The following CEP152 variants were observed in gnomAD, a reference collection of about 807,000 sequenced individuals.
CEP152 encodes the protein centrosomal protein of 152 kDa.
In CEP152, 132 loss-of-function variants were observed where a neutral mutation model predicts 188.9. That is an observed-to-expected ratio of 0.70 (90% CI 0.61 to 0.81). The LOEUF (loss-of-function observed/expected upper bound fraction) is 0.81. CEP152 is among the 30% of genes least tolerant of loss of function. The probability of loss-of-function intolerance (pLI) is 0.00; values close to 1 mark genes in which losing one functional copy is unlikely to be tolerated. For missense variants in CEP152, 1,914 were observed against 1,969.8 expected, an observed-to-expected ratio of 0.97 and a Z score of 0.54; for synonymous variants, 649 against 666.6, an observed-to-expected ratio of 0.97 and a Z score of 0.41.
At chr15:48,795,989 A>C in intron 6 of CEP152, 21 bp downstream of exon 6, 1 of 1,607,794 alleles carries the variant, frequency 6.2e-7, no homozygotes, top group Non-Finnish European at 8.5e-7. Flanking sequence ...ATTAAAAAAT[A>C]AATATAAACT....
intron 9 of CEP152, among the ~76,000 whole-genome samples, chr15:48,788,282 G>T (rs553789119): frequency 2.7e-4 from 40 of 148,778 alleles, no homozygotes; most frequent in African/African-American, 9.1e-4. Flanking sequence ...GTTTCCAAAA[G>T]TATACCTTTA....
At chr15:48,765,039 GA>G (rs1894960094) in intron 17 of CEP152, among the ~76,000 whole-genome samples, 1 of 151,386 alleles carries the variant, frequency 6.6e-6, no homozygotes, top group East Asian at 1.9e-4. Flanking sequence ...AAAAATGTGA[GA>G]AGATTAGACA....
At chr15:48,769,156 T>TA (rs1895355392) in intron 13 of CEP152, 75 bp from the exon 14 acceptor site, 3 of 1,267,792 alleles carry the variant, frequency 2.4e-6, no homozygotes, top group Admixed American at 4.1e-5. Flanking sequence ...TTCCATACTT[T>TA]AAAAAAATTG....
chr15:48,784,805 A>G (rs1210451920), intron 9 of CEP152, among the ~76,000 whole-genome samples: 2 of 152,240 alleles, frequency 1.3e-5, no homozygotes, highest in Non-Finnish European at 2.9e-5. Context: ...GTGTATGTGC[A>G]TGTGTGTAAC....
intron 2 of CEP152, among the ~76,000 whole-genome samples, chr15:48,802,077 G>A (rs1390858697): frequency 3.4e-5 from 5 of 148,848 alleles, no homozygotes; most frequent in Admixed American, 2.7e-4. Context: ...GCAACAGAGC[G>A]AGACTCCATC....
chr15:48,794,914 G>A (rs1475585514), intron 6 of CEP152, among the ~76,000 whole-genome samples: 1 of 152,140 alleles, frequency 6.6e-6, no homozygotes, highest in African/African-American at 2.4e-5. Flanking sequence ...TAACTACCCT[G>A]CCGTCCCAGT....
At chr15:48,747,512 C>T (rs908656523) in intron 22 of CEP152, among the ~76,000 whole-genome samples, 6 of 152,122 alleles carry the variant, frequency 3.9e-5, no homozygotes, top group African/African-American at 1.2e-4. Flanking sequence ...GCTACAGGGC[C>T]GCACAAGAGC....
rs1182095328 is a variant in CEP152 at position 48,748,457 on chromosome 15, A to T, written c.3620T>A (p.Val1207Glu). 1 of 1,530,104 alleles carries T rather than the reference A, an allele frequency of 6.5e-7. No homozygotes were observed. Among genetic ancestry groups the T allele is most frequent in the Non-Finnish European group, 8.7e-7 (1 of 1,144,730 alleles). 94.8% of individuals were successfully genotyped at this position (1,530,104 alleles called of 1,614,324 possible). Residue 1207 changes from valine to glutamate, a missense_variant, in exon 22 of 27, where the codon GTG becomes GAG. Transcript: ENST00000380950. ...TAAATGCTAACCTCCAATTTTTTCC[A>T]CTACAGCTTTGTGCTTCCTTTCTAA... is the stretch of plus-strand genomic sequence containing the variant. ...QHLERKHKAV[V>E]EKIGEENNKV...
rs778717473 is a variant in CEP152 at position 48,798,007 on chromosome 15, G to A, written c.132C>T (p.Asp44=). ...LTDLPHDMLD[D]DLSSPELQYS... Reference sequence around the variant, plus strand: ...ACTGGAGCTCTGGAGAGGAGAGGTCGTCATCCAGCATGTCATGGGGAAGGT... The same window carrying A: ...ACTGGAGCTCTGGAGAGGAGAGGTCATCATCCAGCATGTCATGGGGAAGGT... The change falls in exon 3 of 27, where the codon GAC becomes GAT. Residue 44 remains aspartate, a synonymous_variant. Transcript: ENST00000380950. 2.7e-5 allele frequency: 44 copies of A among 1,613,912 alleles called. No individual in the cohort carries two copies. Among genetic ancestry groups the A allele is most frequent in the Admixed American group, 3.3e-5 (2 of 59,976 alleles).
chr15:48,741,089 T>C, intron 26 of CEP152: 3 of 1,000,568 alleles, frequency 3.0e-6, no homozygotes, highest in Non-Finnish European at 2.4e-6. Flanking sequence ...GTCTTCTTTC[T>C]CTCAGGGATT....
chr15:48,768,930 A>G, intron 14 of CEP152, 26 bp downstream of exon 14: 1 of 1,404,108 alleles, frequency 7.1e-7, no homozygotes, highest in Non-Finnish European at 9.7e-7. Flanking sequence ...AAATTCTCAT[A>G]AAATATAAAA....
intron 2 of CEP152, among the ~76,000 whole-genome samples, chr15:48,731,240 T>C (rs1320237244): frequency 6.6e-6 from 1 of 152,188 alleles, no homozygotes; most frequent in African/African-American, 2.4e-5. Context: ...CAACACTGTA[T>C]TGTGCACTTA....
At chr15:48,755,410 G>A (rs1009509223) in intron 20 of CEP152, among the ~76,000 whole-genome samples, 5 of 151,930 alleles carry the variant, frequency 3.3e-5, no homozygotes, top group African/African-American at 4.8e-5. Context: ...CTCTTATTAT[G>A]CATATTTCAT....
intron 20 of CEP152, among the ~76,000 whole-genome samples, chr15:48,755,532 A>T (rs1050038366): frequency 1.3e-5 from 2 of 152,186 alleles, no homozygotes; most frequent in African/African-American, 2.4e-5. Context: ...AAGTTCTGGG[A>T]TACATGTGCT....
intron 1 of CEP152, among the ~76,000 whole-genome samples, chr15:48,805,928 T>C (rs1200251379): frequency 6.6e-6 from 1 of 152,192 alleles, no homozygotes; most frequent in African/African-American, 2.4e-5. Flanking sequence ...AGTAAGATTT[T>C]TGCCGACATG....
At chr15:48,761,909 CT>C (rs957686260) in intron 18 of CEP152, among the ~76,000 whole-genome samples, 7 of 152,172 alleles carry the variant, frequency 4.6e-5, no homozygotes, top group African/African-American at 7.2e-5. Flanking sequence ...ATTGGCACCA[CT>C]TTTGGAAAGC....
intron 8 of CEP152, chr15:48,789,239 T>A (rs1896861365): frequency 9.2e-6 from 5 of 546,238 alleles, no homozygotes; most frequent in Non-Finnish European, 1.6e-5. Context: ...GGTAGATACC[T>A]GAGGGGAGTG....
At position 48,760,219 on chromosome 15, in the gene CEP152, T is replaced by C; in HGVS notation, c.2610A>G (p.Leu870=). 6.2e-7 allele frequency: 1 copy of C among 1,614,120 alleles called. No homozygotes were observed. The highest frequency in any genetic ancestry group is 8.5e-7 in the Non-Finnish European group (1 of 1,179,970). Residue 870 remains leucine, a synonymous_variant, in exon 19 of 27, where the codon CTA becomes CTG. Coordinates refer to ENST00000380950, the MANE Select transcript of CEP152 (RefSeq NM_001194998.2). The part of the protein sequence containing the change: ...QNAHQRWLGE[L]PELAEYQALV... ...GTGCTTGATACTCTGCCAGCTCTGG[T>C]AGTTCTCCCAGCCATCGCTGATGAG...
intron 12 of CEP152, among the ~76,000 whole-genome samples, chr15:48,777,502 G>A (rs1895992856): frequency 6.6e-6 from 1 of 151,376 alleles, no homozygotes; most frequent in African/African-American, 2.4e-5. Flanking sequence ...GTGTGTCTGT[G>A]TGTATGGGTG....
Sources: allele counts gnomAD v4.1 joint callset (sites outside exome capture counted in the v4.1 genomes callset), GRCh38; gene constraint gnomAD v4.1.1; transcripts MANE v1.5; gene names NCBI Gene and HGNC (gene_info 2026-07-23, HGNC 2026-07-21).